Variants in CACNB1 observed in about 807,000 individuals in gnomAD.
CACNB1 encodes voltage-dependent L-type calcium channel subunit beta-1.
CACNB1 carries 29 observed loss-of-function variants against 71.6 expected under a neutral mutation model. The ratio of observed to expected loss-of-function variants is 0.40; its 90% CI spans 0.30 to 0.55. The LOEUF (loss-of-function observed/expected upper bound fraction) is 0.55, where lower values mean the gene tolerates loss of function less well. CACNB1 is among the 20% of genes least tolerant of loss of function. The pLI is 0.38. For missense variants in CACNB1, 623 were observed against 801.8 expected (o/e 0.78, Z 2.69); for synonymous variants, 300 against 319.6 (o/e 0.94, Z 0.65).
Position 39,184,359 on chromosome 17 carries a change from A to T in CACNB1, c.754T>A (p.Leu252Ile). The T allele has an allele frequency of 6.5e-7, 1 of 1,537,744 alleles. No homozygotes were observed. The highest frequency in any genetic ancestry group is 8.8e-7 in the Non-Finnish European group (1 of 1,137,072). ...YEVTDMMQKA[L>I]FDFLKHRFDG... Reference sequence around the variant, plus strand: ...AACCGATGCTTCAAGAAGTCAAATAAAGCTTTCTGCATCATGTCTGTAACC... The same window carrying T: ...AACCGATGCTTCAAGAAGTCAAATATAGCTTTCTGCATCATGTCTGTAACC... Residue 252 changes from leucine to isoleucine, a missense_variant, in exon 9 of 14, where the codon TTA (leucine) becomes ATA (isoleucine). Physicochemically the swap from Leu to Ile is conservative, Grantham distance 5. Transcript: ENST00000394303.
Position 39,186,575 on chromosome 17 carries a change from G to A in CACNB1, c.552-3C>T. On this transcript the variant is annotated splice_polypyrimidine_tract_variant and splice_region_variant and intron_variant, in intron 5 of 13. Transcript: ENST00000394303. This position sits in a 1 kb window ranked among gnomAD's most constrained non-coding sequence, Gnocchi z 4.1. ...AACTGGAGTTATCGCCTGATTTGCT[G>A]TGTGGGCAGAGGCAAACCGAGCTTG... 1.2e-6 allele frequency: 2 copies of A among 1,613,134 alleles called. No individual in the cohort carries two copies. Among genetic ancestry groups the A allele is most frequent in the Non-Finnish European group, 1.7e-6 (2 of 1,179,362 alleles).
At position 39,197,615 on chromosome 17, in the gene CACNB1, T is replaced by A. The variant is rs2046229843; in HGVS notation, c.-120A>T. 2.9e-6 allele frequency: 2 copies of A among 688,688 alleles called. No homozygotes were observed. The highest frequency in any genetic ancestry group is 4.7e-6 in the Non-Finnish European group (2 of 424,604). The allele number at this position is 688,688 out of a possible 1,614,324, so 42.7% of individuals were successfully genotyped here. A position where few individuals can be genotyped will look rare whatever the true frequency, so the allele number is the denominator to read the frequency against. ...CCAGCACCCGGTCCAGCCACCCAGCTCGGCCTTCGGCTGCCTCCTTCCTGC... is the reference window on the plus strand; with the variant it reads ...CCAGCACCCGGTCCAGCCACCCAGCACGGCCTTCGGCTGCCTCCTTCCTGC... On this transcript the variant is annotated 5_prime_UTR_variant, in exon 1 of 14. Transcript: ENST00000394303.
intron 11 of CACNB1, among the ~76,000 whole-genome samples, chr17:39,178,852 T>C (rs2045664818): frequency 6.6e-6 from 1 of 152,106 alleles, no homozygotes. Context: ...ATAATTATAA[T>C]AATGCAAAAC....
rs144952193 is a variant in CACNB1 at position 39,178,617 on chromosome 17, A to C, written c.1051-538T>G. ...AGGCTGGTCTGAAACTCCTGGCCTC[A>C]AGTGATCCACTTGCCTCAGCCTCTC... is the stretch of plus-strand genomic sequence containing the variant. On this transcript the variant is annotated intron_variant, in intron 11 of 13. Coordinates refer to ENST00000394303, the MANE Select transcript of CACNB1 (RefSeq NM_000723.5). Among the ~76,000 whole-genome samples, 1,335 of 152,046 alleles carry C rather than the reference A, an allele frequency of 8.8e-3. 14 individuals carry two copies. Among genetic ancestry groups the C allele is most frequent in the African/African-American group, 0.03 (1,229 of 41,430 alleles).
chr17:39,185,611 C>T (rs2045917777), intron 6 of CACNB1, among the ~76,000 whole-genome samples: 2 of 150,064 alleles, frequency 1.3e-5, no homozygotes, highest in Admixed American at 6.6e-5. Context: ...AGAAGGAATG[C>T]CATCCCATGT....
intron 6 of CACNB1, chr17:39,185,953 C>T (rs1476871768): frequency 4.3e-6 from 7 of 1,611,768 alleles, no homozygotes; most frequent in Non-Finnish European, 5.9e-6. Flanking sequence ...GAATTACCTT[C>T]TTAAAGAAGG....
chr17:39,188,983 C>T (rs1346066884), intron 3 of CACNB1, among the ~76,000 whole-genome samples: 37 of 152,038 alleles, frequency 2.4e-4, no homozygotes, highest in Admixed American at 2.4e-3. Context: ...GTGGAGGTTG[C>T]AGTGAGCTGA....
chr17:39,194,948 C>T lies in CACNB1; in HGVS notation c.107G>A (p.Gly36Glu). The T allele has an allele frequency of 6.2e-7, 1 of 1,613,174 alleles. No individual in the cohort carries two copies. Among genetic ancestry groups the T allele is most frequent in the Non-Finnish European group, 8.5e-7 (1 of 1,179,330 alleles). Residue 36 changes from glycine to glutamate, a missense_variant, in exon 2 of 14, where the codon GGG becomes GAG. Gly to Glu is a moderately conservative substitution (Grantham distance 98). Transcript: ENST00000394303. This position sits in a 1 kb window ranked among gnomAD's most constrained non-coding sequence, Gnocchi z 4.6. ...SPQGKYSKRK[G>E]RFKRSDGSTS... is the part of the protein sequence containing the mutation. Reference sequence around the variant, plus strand: ...GCTCCCATCTGACCGTTTGAATCGCCCTTTCCTCTTGCTGTATTTGCCCTG... The same window carrying T: ...GCTCCCATCTGACCGTTTGAATCGCTCTTTCCTCTTGCTGTATTTGCCCTG...
intron 3 of CACNB1, among the ~76,000 whole-genome samples, chr17:39,190,925 T>G (rs1344224364): frequency 6.6e-6 from 1 of 151,778 alleles, no homozygotes; most frequent in Non-Finnish European, 1.5e-5. Context: ...CAGGACCAGG[T>G]CAGGCACGGT....
chr17:39,173,548 C>G lies in CACNB1; in HGVS notation c.*1645G>C, dbSNP rs2045510703. 6.6e-6 allele frequency: 1 copy of G among 151,798 alleles called. No individual in the cohort carries two copies. Among genetic ancestry groups the G allele is most frequent in the Non-Finnish European group, 1.5e-5 (1 of 67,914 alleles). The allele number at this position is 151,798 out of a possible 1,614,324, so 9.4% of individuals were successfully genotyped here. On this transcript the variant is annotated 3_prime_UTR_variant, in exon 14 of 14. Transcript: ENST00000394303. ...GAGCTTCCCATTGCCTTTGGCTCTA[C>G]TTGTGGAGAGACAGGTAAGTGAAGG...
Position 39,174,067 on chromosome 17 carries a change from GCT to G in CACNB1, c.*1124_*1125del, listed in dbSNP as rs934734392. 2 of 152,902 alleles carry G rather than the reference GCT, an allele frequency of 1.3e-5. No individual in the cohort carries two copies. The highest frequency in any genetic ancestry group is 4.8e-5 in the African/African-American group (2 of 41,424). The allele number at this position is 152,902 out of a possible 1,614,324, so 9.5% of individuals were successfully genotyped here. On this transcript the variant is annotated 3_prime_UTR_variant, in exon 14 of 14. Transcript: ENST00000394303. ...GCCCCAGTCCTTGTTGGCACACTCG[GCT>G]CTCTCTGGCCCAGCTGGGATGCTGG...
intron 11 of CACNB1, among the ~76,000 whole-genome samples, chr17:39,183,285 T>C (rs1300501615): frequency 6.6e-6 from 1 of 150,950 alleles, no homozygotes; most frequent in Non-Finnish European, 1.5e-5. Flanking sequence ...TGAACTATGA[T>C]TGCATCACTG....
intron 13 of CACNB1, 121 bp downstream of exon 13, chr17:39,177,229 A>G: frequency 6.4e-7 from 1 of 1,563,184 alleles, no homozygotes; most frequent in Non-Finnish European, 8.7e-7. Context: ...AGGAGGGAAG[A>G]CGGGCAGGGC....
chr17:39,182,998 T>C, intron 11 of CACNB1: 1 of 973,640 alleles, frequency 1.0e-6, no homozygotes. Context: ...GTTTCTCAGA[T>C]CCCCACTGGC....
chr17:39,181,301 C>T (rs1363661019), intron 11 of CACNB1, among the ~76,000 whole-genome samples: 3 of 152,072 alleles, frequency 2.0e-5, no homozygotes, highest in Non-Finnish European at 4.4e-5. Context: ...ATCATGTTGC[C>T]CAGGCTGGTC....
At position 39,175,392 on chromosome 17, in the gene CACNB1, C is replaced by A. The variant is rs199798694; in HGVS notation, c.1598G>T (p.Gly533Val). 4.1e-3 allele frequency: 6,541 copies of A among 1,614,210 alleles called. 14 individuals are homozygous for A. The highest frequency in any genetic ancestry group is 5.0e-3 in the Non-Finnish European group (5,842 of 1,180,036). The part of the protein sequence containing the change: ...ETDPSEGPGL[G>V]DPAGGGTPPA... ...GGGCGTGCCGCCCCCTGCAGGGTCT[C>A]CAAGCCCTGGCCCCTCTGAGGGGTC... Residue 533 changes from glycine (G) to valine (V), a missense_variant, in exon 14 of 14, where the codon GGA (glycine) becomes GTA (valine). Coordinates refer to ENST00000394303, the MANE Select transcript of CACNB1 (RefSeq NM_000723.5). This position sits in a 1 kb window ranked among gnomAD's most constrained non-coding sequence, Gnocchi z 4.7.
chr17:39,185,079 CT>C, intron 7 of CACNB1, 51 bp downstream of exon 7: 1 of 1,571,074 alleles, frequency 6.4e-7, no homozygotes, highest in Non-Finnish European at 8.8e-7. Context: ...GAAGGTCCCC[CT>C]AGCTCATCCC....
intron 11 of CACNB1, among the ~76,000 whole-genome samples, chr17:39,179,887 C>T (rs1006280725): frequency 2.0e-5 from 3 of 151,898 alleles, no homozygotes; most frequent in Non-Finnish European, 2.9e-5. Flanking sequence ...CCAGCCTGGG[C>T]GACAGAACAA....
At chr17:39,191,860 G>A (rs928066896) in intron 2 of CACNB1, 3 of 465,846 alleles carry the variant, frequency 6.4e-6, no homozygotes, top group Non-Finnish European at 1.1e-5. Context: ...TGGGGCCCAG[G>A]GAGGGGTGGG....
Sources: allele counts gnomAD v4.1 joint callset (sites outside exome capture counted in the v4.1 genomes callset), GRCh38; gene constraint gnomAD v4.1.1; non-coding constraint Gnocchi (gnomAD v3.1); transcripts MANE v1.5; gene names NCBI Gene and HGNC (gene_info 2026-07-23, HGNC 2026-07-21).